STAG1: variants seen among roughly 807,000 people sequenced by gnomAD.
STAG1 encodes cohesin subunit SA-1.
In STAG1, 26 loss-of-function variants were observed where a neutral mutation model predicts 170.9. That is an observed-to-expected ratio of 0.15 (90% confidence interval 0.11 to 0.21). The LOEUF (loss-of-function observed/expected upper bound fraction) is 0.21, where lower values mean the gene tolerates loss of function less well. STAG1 is among the 10% of genes least tolerant of loss of function. The probability of loss-of-function intolerance (pLI) is 1.00; values close to 1 mark genes in which losing one functional copy is unlikely to be tolerated. For synonymous variants in STAG1, 514 were observed against 497.7 expected (o/e 1.03, Z -0.44); for missense variants, 964 against 1,509.5 (o/e 0.64, Z 5.99).
intron 3 of STAG1, among the ~76,000 whole-genome samples, chr3:136,610,487 T>C (rs1203401657): frequency 6.6e-6 from 1 of 152,234 alleles, no homozygotes; most frequent in Non-Finnish European, 1.5e-5. Context: ...AGACTGAATA[T>C]TTGAGTATGT....
At chr3:136,462,427 A>G (rs1490017163) in intron 13 of STAG1, among the ~76,000 whole-genome samples, 1 of 152,184 alleles carries the variant, frequency 6.6e-6, no homozygotes, top group Non-Finnish European at 1.5e-5. Context: ...TAAGTGAATT[A>G]AGCCAAGCAC....
intron 14 of STAG1, among the ~76,000 whole-genome samples, chr3:136,449,424 G>A (rs777905410): frequency 6.6e-6 from 1 of 152,092 alleles, no homozygotes; most frequent in Non-Finnish European, 1.5e-5. Flanking sequence ...AGCCAAGCAT[G>A]GTGGTACACA....
At chr3:136,376,234 C>T (rs1937606510) in intron 23 of STAG1, among the ~76,000 whole-genome samples, 2 of 150,500 alleles carry the variant, frequency 1.3e-5, no homozygotes, top group Admixed American at 1.3e-4. Context: ...ACTCTTTCAC[C>T]AAACGACTCT....
chr3:136,541,993 T>C (rs1935927731), intron 6 of STAG1, 126 bp downstream of exon 6: 1 of 703,216 alleles, frequency 1.4e-6, no homozygotes, highest in South Asian at 1.7e-5. Flanking sequence ...CAGATTATCA[T>C]ATATAATTAA....
intron 22 of STAG1, among the ~76,000 whole-genome samples, chr3:136,383,970 AAAAG>A (rs1381557090): frequency 0.01 from 1,558 of 150,894 alleles, 17 homozygotes; most frequent in Admixed American, 0.022. Flanking sequence ...AAAAAAAAAA[AAAAG>A]AAACAGAAAC....
At chr3:136,669,309 T>C (rs1351356323) in intron 1 of STAG1, among the ~76,000 whole-genome samples, 1 of 152,170 alleles carries the variant, frequency 6.6e-6, no homozygotes, top group Non-Finnish European at 1.5e-5. Flanking sequence ...ATAACATTAA[T>C]GGTCGTTGTT....
intron 14 of STAG1, among the ~76,000 whole-genome samples, chr3:136,445,061 T>C (rs975900102): frequency 2.7e-5 from 4 of 149,766 alleles, no homozygotes; most frequent in Non-Finnish European, 5.9e-5. Flanking sequence ...GGTTACCATG[T>C]TACTAGGCTG....
chr3:136,615,510 G>C (rs955865314), intron 3 of STAG1, among the ~76,000 whole-genome samples: 1 of 151,538 alleles, frequency 6.6e-6, no homozygotes, highest in African/African-American at 2.4e-5. Context: ...GCCGGTCGGT[G>C]GCTCACGCCT....
intron 21 of STAG1, among the ~76,000 whole-genome samples, chr3:136,403,224 T>TAAAAAAAAAAAAAAAAAACAAAAAAAAAA (rs2087382689): frequency 3.0e-5 from 1 of 33,600 alleles, no homozygotes; most frequent in Non-Finnish European, 4.7e-5. Context: ...GAGACTGTCT[T>TAAAAAAAAAAAAAAAAAACAAAAAAAAAA]AAAAAAAAAA....
chr3:136,515,400 T>G (rs1021194271), intron 7 of STAG1, among the ~76,000 whole-genome samples: 1 of 152,132 alleles, frequency 6.6e-6, no homozygotes, highest in African/African-American at 2.4e-5. Flanking sequence ...AGACAATTAC[T>G]AAGTGACTTA....
chr3:136,506,645 CAAAAA>C (rs1248797469), intron 7 of STAG1, among the ~76,000 whole-genome samples: 1 of 46,534 alleles, frequency 2.1e-5, no homozygotes, highest in African/African-American at 7.8e-5. Flanking sequence ...GACTCCACCT[CAAAAA>C]AAAAAAAAAA....
At chr3:136,503,552 C>A (rs1236831442) in intron 7 of STAG1, among the ~76,000 whole-genome samples, 1 of 152,018 alleles carries the variant, frequency 6.6e-6, no homozygotes, top group Non-Finnish European at 1.5e-5. Flanking sequence ...GGTAAAGGAA[C>A]AAGACAGTTT....
At chr3:136,497,464 C>T (rs60778309) in intron 9 of STAG1, among the ~76,000 whole-genome samples, 13,358 of 152,064 alleles carry the variant, frequency 0.088, 1,925 homozygotes, top group African/African-American at 0.3. Context: ...TAAAACAACA[C>T]ACTGATCTCA....
intron 2 of STAG1, among the ~76,000 whole-genome samples, chr3:136,627,274 C>G (rs976339816): frequency 1.3e-4 from 20 of 152,170 alleles, no homozygotes; most frequent in African/African-American, 4.8e-4. Context: ...AAATTTCGAG[C>G]AACAGAAAAT....
rs10554911 is a variant in STAG1, at chr3:136,596,134, CAG to C, written c.297+8173_297+8174del. Among the ~76,000 whole-genome samples the C allele has an allele frequency of 2.4e-3, 368 of 152,280 alleles. 3 individuals are homozygous for C. The highest frequency in any genetic ancestry group is 8.4e-3 in the African/African-American group (351 of 41,574). On this transcript the variant is annotated intron_variant, in intron 4 of 33. Coordinates refer to ENST00000383202, the MANE Select transcript of STAG1 (RefSeq NM_005862.3). ...ATAAATTTATATGATAAAGCAGTGA[CAG>C]GGTTTGAGAGGACTTCCTCCAATTT...
At chr3:136,405,819 AAAGG>A (rs2087466974) in intron 21 of STAG1, among the ~76,000 whole-genome samples, 2 of 149,906 alleles carry the variant, frequency 1.3e-5, no homozygotes, top group Non-Finnish European at 3.0e-5. Context: ...AAAAAAAAAA[AAAGG>A]AAAAATGTTA....
chr3:136,520,533 G>C (rs1271111145), intron 7 of STAG1, among the ~76,000 whole-genome samples: 1 of 152,036 alleles, frequency 6.6e-6, no homozygotes, highest in East Asian at 1.9e-4. Flanking sequence ...AGTTAAAGCA[G>C]TGACGGAAAA....
intron 1 of STAG1, among the ~76,000 whole-genome samples, chr3:136,662,048 C>T (rs1941600455): frequency 6.6e-6 from 1 of 152,148 alleles, no homozygotes; most frequent in South Asian, 2.1e-4. Context: ...GCTGACGTTT[C>T]TCTAATCACC....
chr3:136,643,662 C>A (rs1201379809), intron 1 of STAG1, among the ~76,000 whole-genome samples: 1 of 152,130 alleles, frequency 6.6e-6, no homozygotes. Context: ...GCACACACCA[C>A]CACACCTGGC....
Sources: gnomAD v4.1 joint callset for allele counts (sites outside exome capture counted in the v4.1 genomes callset) on GRCh38, gnomAD v4.1.1 for gene constraint, MANE v1.5 for transcripts, NCBI Gene and HGNC (gene_info 2026-07-23, HGNC 2026-07-21) for gene names.